DLGAP2: variants seen among roughly 807,000 people sequenced by gnomAD.
DLGAP2 encodes disks large-associated protein 2.
In DLGAP2, 26 loss-of-function variants were observed where a neutral mutation model predicts 100.3. The observed-to-expected ratio is 0.26, with a 90% CI of 0.19 to 0.36. DLGAP2 has a LOEUF of 0.36. Among genes scored for constraint, DLGAP2 ranks in the 10% least tolerant of loss-of-function variants. The probability of loss-of-function intolerance (pLI) is 1.00; values close to 1 mark genes in which losing one functional copy is unlikely to be tolerated. For missense variants in DLGAP2, 1,858 were observed against 1,453.2 expected (o/e 1.28, Z -4.53); for synonymous variants, 886 against 630.1 (o/e 1.41, Z -6.08).
chr8:1,080,390 G>A (rs1474554996), intron 2 of DLGAP2, among the ~76,000 whole-genome samples: 1 of 152,218 alleles, frequency 6.6e-6, no homozygotes, highest in Non-Finnish European at 1.5e-5. Context: ...AGAGGTGTGC[G>A]TTACGAAGGG....
chr8:847,678 T>G (rs1797096282), intron 1 of DLGAP2, among the ~76,000 whole-genome samples: 1 of 152,072 alleles, frequency 6.6e-6, no homozygotes, highest in Non-Finnish European at 1.5e-5. Flanking sequence ...GGCTAATTTT[T>G]GTAATTTTAG....
rs548761981 is a variant in DLGAP2, at chr8:871,528, A to G, written c.19-36384A>G. Among the ~76,000 whole-genome samples the G allele has an allele frequency of 4.6e-5, 7 of 152,326 alleles. No homozygotes were observed. The South Asian group carries it at 1.0e-3, about 23-fold the overall frequency. On this transcript the variant is annotated intron_variant, in intron 1 of 14. Transcript: ENST00000637795. The stretch of plus-strand genomic sequence containing the variant: ...TATGTGTGAAATTTTGATTGGGATT[A>G]TCCAGGTTTAGCATCCTAAATCTTA...
intron 1 of DLGAP2, among the ~76,000 whole-genome samples, chr8:838,893 C>G (rs1264687040): frequency 6.6e-6 from 1 of 152,230 alleles, no homozygotes; most frequent in Non-Finnish European, 1.5e-5. Flanking sequence ...TTATGACAAA[C>G]AGCATCTGAA....
At chr8:1,240,436 C>A (rs1798762022) in intron 2 of DLGAP2, among the ~76,000 whole-genome samples, 2 of 150,940 alleles carry the variant, frequency 1.3e-5, no homozygotes, top group African/African-American at 4.9e-5. Context: ...GTGTCTAGTT[C>A]TGTCACATGG....
rs146559217 is a variant in DLGAP2, at chr8:864,718, C to G, written c.19-43194C>G. Among the ~76,000 whole-genome samples, 434 of 152,296 alleles carry G rather than the reference C, an allele frequency of 2.8e-3. 3 individuals carry two copies. The highest frequency in any genetic ancestry group is 9.0e-3 in the African/African-American group (376 of 41,566). On this transcript the variant is annotated intron_variant, in intron 1 of 14. Transcript: ENST00000637795. ...GCCGTTGCACAATGCTGAGTGTTCT[C>G]TGTTTCAGAAGCAGGTGCACCTGTC...
At chr8:758,204 G>A (rs972294201) in intron 1 of DLGAP2, among the ~76,000 whole-genome samples, 1 of 152,170 alleles carries the variant, frequency 6.6e-6, no homozygotes, top group Non-Finnish European at 1.5e-5. Flanking sequence ...AGGGGCCCCT[G>A]TATTGTGAGC....
At chr8:1,451,517 C>T (rs1234309093) in intron 3 of DLGAP2, among the ~76,000 whole-genome samples, 1 of 152,106 alleles carries the variant, frequency 6.6e-6, no homozygotes, top group Non-Finnish European at 1.5e-5. Flanking sequence ...CACCCCTGGT[C>T]CCATAAACCG....
intron 2 of DLGAP2, among the ~76,000 whole-genome samples, chr8:1,048,622 AT>A (rs1290862551): frequency 6.6e-6 from 1 of 151,600 alleles, no homozygotes; most frequent in African/African-American, 2.4e-5. Flanking sequence ...GGGCCAAATA[AT>A]TTGAATAAGC....
At chr8:810,698 C>G (rs934928236) in intron 1 of DLGAP2, among the ~76,000 whole-genome samples, 6 of 152,154 alleles carry the variant, frequency 3.9e-5, no homozygotes, top group Non-Finnish European at 7.3e-5. Context: ...GGTTTTTAAA[C>G]TGAGAACAGA....
intron 8 of DLGAP2, among the ~76,000 whole-genome samples, chr8:1,661,424 A>C (rs1798406418): frequency 6.6e-6 from 1 of 152,228 alleles, no homozygotes; most frequent in African/African-American, 2.4e-5. Context: ...CTGCACAGAA[A>C]GCCAATCACT....
At chr8:1,523,275 T>G (rs934466477) in intron 4 of DLGAP2, among the ~76,000 whole-genome samples, 3 of 152,326 alleles carry the variant, frequency 2.0e-5, no homozygotes, top group Non-Finnish European at 4.4e-5. Flanking sequence ...TGGCTTCTGC[T>G]GGGGCGCAGG....
At chr8:1,186,338 T>C (rs756545685) in intron 2 of DLGAP2, among the ~76,000 whole-genome samples, 15 of 152,194 alleles carry the variant, frequency 9.9e-5, no homozygotes, top group Admixed American at 6.5e-4. Flanking sequence ...ATTTCCTCCT[T>C]ATTCTAACCA....
chr8:1,126,987 C>G (rs995515321), intron 2 of DLGAP2, among the ~76,000 whole-genome samples: 21 of 151,260 alleles, frequency 1.4e-4, no homozygotes, highest in Non-Finnish European at 2.9e-5. Context: ...TGTCCTTCTG[C>G]TTGTGTTCCT....
chr8:786,147 G>C (rs576575154), intron 1 of DLGAP2, among the ~76,000 whole-genome samples: 1 of 152,186 alleles, frequency 6.6e-6, no homozygotes, highest in Admixed American at 6.5e-5. Flanking sequence ...CGGCGCAGGG[G>C]CAGGAAAAGC....
chr8:1,360,253 G>A (rs1231595586), intron 3 of DLGAP2, among the ~76,000 whole-genome samples: 2 of 140,912 alleles, frequency 1.4e-5, no homozygotes, highest in African/African-American at 2.7e-5. Flanking sequence ...TCTCCGGGGC[G>A]GGGCTTCTCC....
At chr8:1,542,700 A>G (rs1801403911) in intron 4 of DLGAP2, among the ~76,000 whole-genome samples, 1 of 152,214 alleles carries the variant, frequency 6.6e-6, no homozygotes, top group African/African-American at 2.4e-5. Flanking sequence ...CGCTGTAAGC[A>G]TTCTTACACA....
At chr8:824,979 G>A (rs7460646) in intron 1 of DLGAP2, among the ~76,000 whole-genome samples, 15,246 of 152,192 alleles carry the variant, frequency 0.1, 1,384 homozygotes, top group East Asian at 0.52. Context: ...CCTCCGTGGC[G>A]GTCTTTGGAG....
intron 6 of DLGAP2, chr8:1,621,816 C>G (rs917637469): frequency 1.3e-5 from 2 of 152,214 alleles, no homozygotes; most frequent in Non-Finnish European, 2.9e-5. Flanking sequence ...TTCCGAGCCT[C>G]TGCAGTCAAG....
At chr8:1,539,766 A>G (rs563120292) in intron 4 of DLGAP2, among the ~76,000 whole-genome samples, 2 of 152,070 alleles carry the variant, frequency 1.3e-5, no homozygotes, top group African/African-American at 4.8e-5. Flanking sequence ...GATATAGAAG[A>G]CCTTCTGTGT....
Sources: gnomAD v4.1 joint callset for allele counts (sites outside exome capture counted in the v4.1 genomes callset) on GRCh38, gnomAD v4.1.1 for gene constraint, MANE v1.5 for transcripts, NCBI Gene and HGNC (gene_info 2026-07-23, HGNC 2026-07-21) for gene names.